Variants in DGKB observed in about 807,000 individuals in gnomAD.
The protein encoded by DGKB is diacylglycerol kinase beta, also known as 90 kDa diacylglycerol kinase.
In DGKB, 67 loss-of-function variants were observed where a neutral mutation model predicts 114.3. The ratio of observed to expected loss-of-function variants is 0.59; its 90% CI spans 0.48 to 0.72. DGKB has a LOEUF of 0.72. DGKB is among the 30% of genes least tolerant of loss of function. The pLI, the probability that DGKB is intolerant of heterozygous loss-of-function variation, is 0.00. For synonymous variants in DGKB, 398 were observed against 323.1 expected (o/e 1.23, Z -2.49); for missense variants, 907 against 975.2 (o/e 0.93, Z 0.93).
At chr7:14,212,375 G>A (rs62445571) in intron 23 of DGKB, among the ~76,000 whole-genome samples, 1,379 of 10,602 alleles carry the variant, frequency 0.13, 360 homozygotes, top group Middle Eastern at 0.38. Context: ...TTTTACTCTC[G>A]TGTTTTGTGA....
At chr7:14,867,580 T>C (rs542621252) in intron 1 of DGKB, among the ~76,000 whole-genome samples, 300 of 152,256 alleles carry the variant, frequency 2.0e-3, no homozygotes, top group Non-Finnish European at 3.2e-3. Context: ...ACAACTTTTT[T>C]CAACCTCATT....
chr7:14,772,864 C>G (rs1004443954), intron 2 of DGKB, among the ~76,000 whole-genome samples: 1 of 152,168 alleles, frequency 6.6e-6, no homozygotes, highest in Non-Finnish European at 1.5e-5. Context: ...CCTTTCTCAC[C>G]CCTCACCAGT....
chr7:14,291,743 G>T (rs1284296104), intron 23 of DGKB, among the ~76,000 whole-genome samples: 1 of 152,098 alleles, frequency 6.6e-6, no homozygotes, highest in Non-Finnish European at 1.5e-5. Context: ...TACCAGGAAT[G>T]CATCCAACAG....
At chr7:14,823,497 G>C (rs184632548) in intron 2 of DGKB, among the ~76,000 whole-genome samples, 15 of 152,172 alleles carry the variant, frequency 9.9e-5, no homozygotes, top group Non-Finnish European at 1.5e-4. Context: ...AATTTCTACT[G>C]AGAGAACTGT....
At chr7:14,421,668 C>T (rs1366793665) in intron 21 of DGKB, among the ~76,000 whole-genome samples, 4 of 151,978 alleles carry the variant, frequency 2.6e-5, no homozygotes, top group Admixed American at 2.0e-4. Context: ...GCAATTTCCA[C>T]AGATATTTTA....
intron 13 of DGKB, among the ~76,000 whole-genome samples, chr7:14,643,917 C>A (rs73680301): frequency 3.3e-5 from 5 of 152,242 alleles, no homozygotes; most frequent in African/African-American, 1.2e-4. Flanking sequence ...TGCTGCGCAC[C>A]TTTGCACACC....
chr7:14,565,504 T>C (rs1012264645), intron 20 of DGKB, among the ~76,000 whole-genome samples: 9 of 152,222 alleles, frequency 5.9e-5, no homozygotes, highest in Admixed American at 3.3e-4. Context: ...AGCTTCCAAC[T>C]TAAATATCCA....
At chr7:14,260,335 A>T (rs747848989) in intron 23 of DGKB, among the ~76,000 whole-genome samples, 32 of 152,196 alleles carry the variant, frequency 2.1e-4, no homozygotes, top group Non-Finnish European at 4.0e-4. Flanking sequence ...TATGGTATGA[A>T]TTTGGATTTT....
chr7:14,490,020 T>G (rs1784388074), intron 20 of DGKB, among the ~76,000 whole-genome samples: 1 of 152,104 alleles, frequency 6.6e-6, no homozygotes, highest in Non-Finnish European at 1.5e-5. Context: ...ATAACATTCA[T>G]TAACTCAAGA....
chr7:14,455,954 A>T (rs76155565), intron 21 of DGKB, among the ~76,000 whole-genome samples: 1 of 152,008 alleles, frequency 6.6e-6, no homozygotes, highest in Non-Finnish European at 1.5e-5. Context: ...TTGTGCCTTC[A>T]CTATTTAAAA....
chr7:14,498,336 C>T (rs1422212193), intron 20 of DGKB, among the ~76,000 whole-genome samples: 1 of 151,710 alleles, frequency 6.6e-6, no homozygotes, highest in African/African-American at 2.4e-5. Flanking sequence ...GCTAAGGATA[C>T]ATTAATACAG....
At chr7:14,387,000 T>A (rs895304265) in intron 21 of DGKB, among the ~76,000 whole-genome samples, 2 of 152,052 alleles carry the variant, frequency 1.3e-5, no homozygotes, top group Admixed American at 6.6e-5. Flanking sequence ...CTATTTTTAT[T>A]AATGGATGCC....
At chr7:14,954,638 T>A (rs1354522307) in intron 1 of DGKB, among the ~76,000 whole-genome samples, 1 of 151,952 alleles carries the variant, frequency 6.6e-6, no homozygotes, top group African/African-American at 2.4e-5. Flanking sequence ...GGTGGCAAGA[T>A]ATACAAATGT....
At chr7:14,150,546 A>C (rs907910068) in intron 25 of DGKB, among the ~76,000 whole-genome samples, 1 of 152,092 alleles carries the variant, frequency 6.6e-6, no homozygotes, top group African/African-American at 2.4e-5. Flanking sequence ...GAATCAGGTT[A>C]TTCTGGAAGG....
chr7:14,752,289 G>A (rs990381545), intron 4 of DGKB, among the ~76,000 whole-genome samples: 1 of 151,780 alleles, frequency 6.6e-6, no homozygotes, highest in African/African-American at 2.4e-5. Flanking sequence ...ATTACTTTAG[G>A]CAGCAGCACT....
intron 1 of DGKB, among the ~76,000 whole-genome samples, chr7:14,881,482 A>C (rs1490053133): frequency 6.6e-6 from 1 of 152,154 alleles, no homozygotes; most frequent in Non-Finnish European, 1.5e-5. Context: ...CTATATAACA[A>C]AATTGCCAAA....
At chr7:14,927,377 T>C (rs1317176802) in intron 1 of DGKB, among the ~76,000 whole-genome samples, 3 of 152,072 alleles carry the variant, frequency 2.0e-5, no homozygotes, top group Non-Finnish European at 4.4e-5. Context: ...GTTTGTTTGC[T>C]TTCTGAAAGT....
At chr7:14,369,930 T>G (rs1481333506) in intron 21 of DGKB, among the ~76,000 whole-genome samples, 2 of 152,252 alleles carry the variant, frequency 1.3e-5, no homozygotes, top group African/African-American at 4.8e-5. Context: ...TCTTTTGCTG[T>G]GCAGAAGCTG....
intron 23 of DGKB, among the ~76,000 whole-genome samples, chr7:14,237,441 T>C (rs1443377828): frequency 6.6e-6 from 1 of 151,950 alleles, no homozygotes; most frequent in African/African-American, 2.4e-5. Context: ...ATATGAGGAA[T>C]TTATTCTTTA....
Sources: gnomAD v4.1 joint callset for allele counts (sites outside exome capture counted in the v4.1 genomes callset) on GRCh38, gnomAD v4.1.1 for gene constraint, MANE v1.5 for transcripts, NCBI Gene and HGNC (gene_info 2026-07-23, HGNC 2026-07-21) for gene names.